Variants in TOP2B observed in about 807,000 individuals in gnomAD.
The protein encoded by TOP2B is DNA topoisomerase II beta.
Under a neutral mutation model 193.5 loss-of-function variants are expected in TOP2B, and 51 were observed. That is an observed-to-expected ratio of 0.26 (90% confidence interval 0.21 to 0.33). TOP2B has a LOEUF of 0.33. Ranked by LOEUF, TOP2B falls within the 10% of genes least tolerant of loss-of-function variation. TOP2B has a pLI of 1.00. For synonymous variants in TOP2B, 634 were observed against 635.7 expected (o/e 1.00, Z 0.04); for missense variants, 1,378 against 1,909.3 (o/e 0.72, Z 5.19).
Position 25,620,605 on chromosome 3 carries a change from C to T in TOP2B, c.2862+77G>A, listed in dbSNP as rs187369874. 7.6e-4 allele frequency: 1,121 copies of T among 1,478,334 alleles called. 13 individuals are homozygous for T. In the Admixed American group the frequency reaches 0.02, roughly 26 times the overall value. The allele number at this position is 1,478,334 out of a possible 1,614,324, so 91.6% of individuals were successfully genotyped here. ...CACTACGCACGCTTAGGACCAACAA[C>T]GGTGGAATCATCCTTACCAGAAAAA... On this transcript the variant is annotated intron_variant, in intron 22 of 35. Coordinates refer to ENST00000264331, the MANE Select transcript of TOP2B (RefSeq NM_001330700.2).
chr3:25,636,763 A>T (rs1245593797), intron 6 of TOP2B, among the ~76,000 whole-genome samples: 3 of 152,054 alleles, frequency 2.0e-5, no homozygotes, highest in Non-Finnish European at 4.4e-5. Context: ...TTACTTCAAC[A>T]ACGGGGTTGC....
chr3:25,601,312 A>G (rs1702088388), intron 33 of TOP2B, 87 bp from the exon 34 acceptor site: 6 of 1,444,748 alleles, frequency 4.2e-6, no homozygotes. Flanking sequence ...AATTTCTTAT[A>G]GCTGATTAGA....
chr3:25,628,773 G>T, intron 15 of TOP2B, 74 bp downstream of exon 15: 3 of 924,486 alleles, frequency 3.2e-6, no homozygotes, highest in Non-Finnish European at 4.8e-6. Context: ...AAACTTTCAA[G>T]TCATCTTTTA....
intron 7 of TOP2B, 119 bp from the exon 8 acceptor site, chr3:25,634,133 A>G (rs1703036751): frequency 4.2e-6 from 3 of 721,290 alleles, no homozygotes; most frequent in Non-Finnish European, 4.3e-6. Context: ...AAGTGCACCG[A>G]TCCAAACCTT....
chr3:25,660,435 C>T (rs1470921495), intron 1 of TOP2B, among the ~76,000 whole-genome samples: 1 of 152,086 alleles, frequency 6.6e-6, no homozygotes, highest in East Asian at 1.9e-4. Context: ...GAGTAACAAA[C>T]ATTCAATGAA....
intron 4 of TOP2B, 21 bp downstream of exon 4, chr3:25,642,301 T>A (rs1703287064): frequency 4.8e-6 from 7 of 1,449,478 alleles, no homozygotes; most frequent in Non-Finnish European, 6.6e-6. Context: ...GCATAAAAAA[T>A]TAAACTTTAA....
chr3:25,630,441 C>T lies in TOP2B; in HGVS notation c.1434G>A (p.Leu478=). ...TGGCAGAGTCTCCCTCTGTTAATAT[C>T]AGTGTACACTCCAGGGAATGTTTAC... ...AGGKHSLECT[L]ILTEGDSAKS... Residue 478 remains leucine (L), a synonymous_variant, in exon 12 of 36, where the codon CTG becomes CTA. Transcript: ENST00000264331. The T allele has an allele frequency of 6.4e-7, 1 of 1,552,674 alleles. No individual in the cohort carries two copies. The highest frequency in any genetic ancestry group is 8.7e-7 in the Non-Finnish European group (1 of 1,147,152).
chr3:25,629,157 TTAGTA>T lies in TOP2B; in HGVS notation c.1690-17_1690-13del, dbSNP rs747254333. On this transcript the variant is annotated splice_polypyrimidine_tract_variant and intron_variant, in intron 13 of 35. Transcript: ENST00000264331. ...GAACCATCTTGATCCTAAATAAATG[TTAGTA>T]AAGTAAAAAATGTTGTAATACTTTT... The T allele has an allele frequency of 3.3e-6, 5 of 1,502,614 alleles. No homozygotes were observed. In the South Asian group the frequency reaches 6.5e-5, roughly 19 times the overall value. 93.1% of individuals were successfully genotyped at this position (1,502,614 alleles called of 1,614,324 possible). A position where few individuals can be genotyped will look rare whatever the true frequency, so the allele number is the denominator to read the frequency against.
chr3:25,608,186 A>C (rs1057169962), intron 30 of TOP2B, among the ~76,000 whole-genome samples: 2 of 152,242 alleles, frequency 1.3e-5, no homozygotes, highest in African/African-American at 4.8e-5. Context: ...ATGAATGAAA[A>C]AAGACAGGAG....
At chr3:25,643,151 C>A (rs148724801) in intron 3 of TOP2B, among the ~76,000 whole-genome samples, 33 of 152,270 alleles carry the variant, frequency 2.2e-4, no homozygotes, top group African/African-American at 7.2e-4. Context: ...AAGAGAATTT[C>A]TAGAGTGTCC....
At position 25,607,585 on chromosome 3, in the gene TOP2B, A is replaced by G. The variant is rs564418426; in HGVS notation, c.4094-210T>C. 6.6e-4 allele frequency among the ~76,000 whole-genome samples: 100 copies of G among 152,328 alleles called. 1 individual carries two copies. Among genetic ancestry groups the G allele is most frequent in the African/African-American group, 2.4e-3 (99 of 41,588 alleles). ...TCTGTCTTACACTTTCCAGGAGGCT[A>G]CCACATAATACTGTGCATGTTAGGA... On this transcript the variant is annotated intron_variant, in intron 30 of 35. Transcript: ENST00000264331.
In TOP2B at chr3:25,664,760, C is replaced by T. The variant is rs1343677088; in HGVS notation, c.-463G>A. 7 of 988,422 alleles carry T rather than the reference C, an allele frequency of 7.1e-6. No homozygotes were observed. The highest frequency in any genetic ancestry group is 8.4e-6 in the Non-Finnish European group (7 of 830,870). 61.2% of individuals were successfully genotyped at this position (988,422 alleles called of 1,614,324 possible). A position where few individuals can be genotyped will look rare whatever the true frequency, so the allele number is the denominator to read the frequency against. On this transcript the variant is annotated 5_prime_UTR_variant, in exon 1 of 36. Transcript: ENST00000264331. Reference sequence around the variant, plus strand: ...CACTCGAGTCGCCAGAGTAGTCGTCCCGGTCGCCGCCGCTGCTTCAAAGGC... The same window carrying T: ...CACTCGAGTCGCCAGAGTAGTCGTCTCGGTCGCCGCCGCTGCTTCAAAGGC...
intron 1 of TOP2B, among the ~76,000 whole-genome samples, chr3:25,659,806 T>C (rs1344327763): frequency 6.6e-6 from 1 of 152,198 alleles, no homozygotes; most frequent in African/African-American, 2.4e-5. Context: ...AGATGAGTTG[T>C]TTTGTCTTTC....
intron 5 of TOP2B, among the ~76,000 whole-genome samples, chr3:25,637,648 A>C (rs745821930): frequency 3.9e-5 from 6 of 151,998 alleles, no homozygotes; most frequent in Non-Finnish European, 8.8e-5. Context: ...TCTCTATTAC[A>C]AAATTTTAAT....
intron 1 of TOP2B, among the ~76,000 whole-genome samples, chr3:25,648,675 G>A (rs1457752343): frequency 6.6e-6 from 1 of 152,052 alleles, no homozygotes; most frequent in Non-Finnish European, 1.5e-5. Flanking sequence ...GTGCAACATG[G>A]CCAAATCTTA....
intron 5 of TOP2B, 75 bp downstream of exon 5, chr3:25,638,090 C>A: frequency 7.4e-7 from 1 of 1,348,644 alleles, no homozygotes. Context: ...CAAAACTGCA[C>A]AATTTCCTTA....
chr3:25,624,969 G>C (rs1702754668), intron 18 of TOP2B, 166 bp from the exon 19 acceptor site: 1 of 645,176 alleles, frequency 1.5e-6, no homozygotes, highest in Non-Finnish European at 2.6e-6. Flanking sequence ...TTGTTTGTTT[G>C]TTTTTTCCTA....
intron 25 of TOP2B, among the ~76,000 whole-genome samples, chr3:25,616,682 G>T (rs1702513483): frequency 6.6e-6 from 1 of 151,762 alleles, no homozygotes; most frequent in Admixed American, 6.6e-5. Context: ...GAAACAGCTT[G>T]TTTCTATGGA....
chr3:25,654,836 C>T (rs1018213244), intron 1 of TOP2B, among the ~76,000 whole-genome samples: 1 of 152,152 alleles, frequency 6.6e-6, no homozygotes, highest in Non-Finnish European at 1.5e-5. Flanking sequence ...GTCTCTTCAA[C>T]AAATGGTGCT....
Sources: gnomAD v4.1 joint callset for allele counts (sites outside exome capture counted in the v4.1 genomes callset) on GRCh38, gnomAD v4.1.1 for gene constraint, MANE v1.5 for transcripts, NCBI Gene and HGNC (gene_info 2026-07-23, HGNC 2026-07-21) for gene names.